ZCWPW2: variants seen among roughly 807,000 people sequenced by gnomAD.
ZCWPW2 encodes zinc finger CW-type PWWP domain protein 2.
Under a neutral mutation model 46.6 loss-of-function variants are expected in ZCWPW2, and 45 were observed. The observed-to-expected ratio is 0.96, with a 90% CI of 0.76 to 1.24. The LOEUF (loss-of-function observed/expected upper bound fraction) is 1.24, where lower values mean the gene tolerates loss of function less well. Among genes scored for constraint, ZCWPW2 ranks in the 50% most tolerant of loss-of-function variants. ZCWPW2 has a pLI of 0.00. For synonymous variants in ZCWPW2, 152 were observed against 137.1 expected, an observed-to-expected ratio of 1.11 and a Z score of -0.76; for missense variants, 429 against 403.9, an observed-to-expected ratio of 1.06 and a Z score of -0.53.
intron 2 of ZCWPW2, among the ~76,000 whole-genome samples, chr3:28,411,847 A>T (rs1338030911): frequency 2.0e-5 from 3 of 151,996 alleles, no homozygotes; most frequent in African/African-American, 7.3e-5. Flanking sequence ...CTGTTTTTAG[A>T]CTTTTTCACT....
At chr3:28,473,837 A>G (rs534679918) in intron 4 of ZCWPW2, among the ~76,000 whole-genome samples, 18 of 152,326 alleles carry the variant, frequency 1.2e-4, no homozygotes, top group African/African-American at 4.3e-4. Context: ...AGTTGAACTC[A>G]TGGATATCAA....
At chr3:28,355,395 A>G (rs964678378) in intron 1 of ZCWPW2, among the ~76,000 whole-genome samples, 9 of 152,366 alleles carry the variant, frequency 5.9e-5, no homozygotes, top group Non-Finnish European at 1.2e-4. Flanking sequence ...GGATAGGAAG[A>G]ATCAATATTG....
chr3:28,464,624 A>G lies in ZCWPW2; in HGVS notation c.493-14190A>G, dbSNP rs115892431. The stretch of plus-strand genomic sequence containing the variant: ...ATTTCTTTTGTATTCTCCATATCTA[A>G]CTCTTTCAGCCACAGAGGACTCAGA... On this transcript the variant is annotated intron_variant, in intron 4 of 9. Transcript: ENST00000383768. 1.7e-3 allele frequency among the ~76,000 whole-genome samples: 260 copies of G among 152,256 alleles called. 1 individual carries two copies. Among genetic ancestry groups the G allele is most frequent in the African/African-American group, 6.0e-3 (251 of 41,538 alleles).
intron 9 of ZCWPW2, among the ~76,000 whole-genome samples, chr3:28,524,128 A>G (rs11918573): frequency 0.028 from 4,227 of 152,050 alleles, 187 homozygotes; most frequent in African/African-American, 0.094. Flanking sequence ...GCAAATTATC[A>G]CTATTTTTAA....
At chr3:28,470,334 G>A (rs1253237229) in intron 4 of ZCWPW2, among the ~76,000 whole-genome samples, 1 of 151,638 alleles carries the variant, frequency 6.6e-6, no homozygotes, top group Non-Finnish European at 1.5e-5. Context: ...CCATCTCTAT[G>A]AAAAATACAA....
intron 4 of ZCWPW2, among the ~76,000 whole-genome samples, chr3:28,460,700 T>C (rs1408580587): frequency 6.6e-6 from 1 of 152,154 alleles, no homozygotes; most frequent in African/African-American, 2.4e-5. Context: ...AGACAAGATA[T>C]CCTAGTGATT....
At chr3:28,481,415 T>G (rs2125806869) in intron 5 of ZCWPW2, among the ~76,000 whole-genome samples, 1 of 152,220 alleles carries the variant, frequency 6.6e-6, no homozygotes, top group East Asian at 1.9e-4. Flanking sequence ...AGCTAATTTT[T>G]GTATTTTAGT....
chr3:28,458,338 A>C (rs946671746), intron 4 of ZCWPW2, among the ~76,000 whole-genome samples: 1 of 152,368 alleles, frequency 6.6e-6, no homozygotes, highest in Middle Eastern at 3.4e-3. Flanking sequence ...GGTGCCTGTC[A>C]GTACTATATG....
intron 2 of ZCWPW2, among the ~76,000 whole-genome samples, chr3:28,394,650 A>C (rs1695624679): frequency 6.6e-6 from 1 of 152,112 alleles, no homozygotes; most frequent in African/African-American, 2.4e-5. Context: ...AAGAATACAC[A>C]ATGGGGACAA....
intron 4 of ZCWPW2, among the ~76,000 whole-genome samples, chr3:28,436,346 T>G (rs1323080576): frequency 7.5e-6 from 1 of 133,566 alleles, no homozygotes; most frequent in East Asian, 2.0e-4. Context: ...TTTTTTGTGA[T>G]GGCCAGCCTT....
At position 28,470,253 on chromosome 3, in the gene ZCWPW2, G is replaced by A. The variant is rs572259387; in HGVS notation, c.493-8561G>A. Among the ~76,000 whole-genome samples, 22 of 152,230 alleles carry A rather than the reference G, an allele frequency of 1.4e-4. No homozygotes were observed. The South Asian group carries it at 2.3e-3, about 16-fold the overall frequency. The stretch of plus-strand genomic sequence containing the variant: ...CTCGCGCCTGTAATCCCAGCACTTC[G>A]GAAGGCCGAGGCTGGCAGATCATGA... On this transcript the variant is annotated intron_variant, in intron 4 of 9. Coordinates refer to ENST00000383768, the MANE Select transcript of ZCWPW2 (RefSeq NM_001040432.4).
chr3:28,433,956 T>C (rs182287862), intron 3 of ZCWPW2, among the ~76,000 whole-genome samples: 1 of 150,998 alleles, frequency 6.6e-6, no homozygotes, highest in East Asian at 1.9e-4. Flanking sequence ...ATCTGTGATA[T>C]TCCTCCTCAG....
intron 3 of ZCWPW2, among the ~76,000 whole-genome samples, chr3:28,434,730 T>C (rs1697413226): frequency 6.6e-6 from 1 of 152,234 alleles, no homozygotes; most frequent in South Asian, 2.1e-4. Flanking sequence ...GTTAACATTT[T>C]GCTAATTAAT....
At chr3:28,430,382 G>T (rs1697207360) in intron 3 of ZCWPW2, among the ~76,000 whole-genome samples, 1 of 152,220 alleles carries the variant, frequency 6.6e-6, no homozygotes, top group African/African-American at 2.4e-5. Context: ...TGGAATGAGT[G>T]TATTTACACA....
At chr3:28,453,648 T>C (rs544731906) in intron 4 of ZCWPW2, among the ~76,000 whole-genome samples, 64 of 152,186 alleles carry the variant, frequency 4.2e-4, no homozygotes, top group Non-Finnish European at 7.1e-4. Context: ...ATTTCCCTTA[T>C]ATGTAAAGTT....
intron 1 of ZCWPW2, among the ~76,000 whole-genome samples, chr3:28,360,372 AAAT>A (rs1327969338): frequency 9.9e-4 from 147 of 148,420 alleles, no homozygotes; most frequent in Non-Finnish European, 1.6e-3. Flanking sequence ...AAAAAAAAAA[AAAT>A]AGCCAGGCAT....
Position 28,459,481 on chromosome 3 carries a change from G to C in ZCWPW2, c.493-19333G>C, listed in dbSNP as rs372089153. On this transcript the variant is annotated intron_variant, in intron 4 of 9. Coordinates refer to ENST00000383768, the MANE Select transcript of ZCWPW2 (RefSeq NM_001040432.4). ...ATTTTCCCAAAATATCTTCTGTGTG[G>C]TACTGGAATTAACTAAAGAAGATAT... Among the ~76,000 whole-genome samples, 36 of 152,264 alleles carry C rather than the reference G, an allele frequency of 2.4e-4. No individual in the cohort carries two copies. The South Asian group carries it at 7.3e-3, about 31-fold the overall frequency.
chr3:28,349,679 G>A (rs754442313), intron 1 of ZCWPW2, among the ~76,000 whole-genome samples: 1 of 152,112 alleles, frequency 6.6e-6, no homozygotes, highest in African/African-American at 2.4e-5. Context: ...ATTGAAGGTC[G>A]CAGCCAGGTG....
chr3:28,424,476 T>C (rs1696925301), intron 3 of ZCWPW2, among the ~76,000 whole-genome samples: 1 of 152,032 alleles, frequency 6.6e-6, no homozygotes, highest in Admixed American at 6.6e-5. Context: ...ATGACTGGCA[T>C]CCTTATAAGA....
Sources: gnomAD v4.1 joint callset for allele counts (sites outside exome capture counted in the v4.1 genomes callset) on GRCh38, gnomAD v4.1.1 for gene constraint, MANE v1.5 for transcripts, NCBI Gene and HGNC (gene_info 2026-07-23, HGNC 2026-07-21) for gene names.